Variants in CHST11 observed in about 807,000 individuals in gnomAD.
The protein encoded by CHST11 is C4S-1.
A neutral mutation model predicts 30.4 loss-of-function variants in CHST11; 9 were observed. That is an observed-to-expected ratio of 0.30 (90% CI 0.18 to 0.52). The LOEUF is 0.52. Among genes scored for constraint, CHST11 ranks in the 20% least tolerant of loss-of-function variants. The pLI, the probability that CHST11 is intolerant of heterozygous loss-of-function variation, is 0.97. For synonymous variants in CHST11, 152 were observed against 187.8 expected, an observed-to-expected ratio of 0.81 and a Z score of 1.56; for missense variants, 348 against 460.6, an observed-to-expected ratio of 0.76 and a Z score of 2.24.
intron 1 of CHST11, among the ~76,000 whole-genome samples, chr12:104,599,255 G>A (rs1048257939): frequency 5.3e-5 from 8 of 152,124 alleles, no homozygotes; most frequent in Non-Finnish European, 1.0e-4. Context: ...GGCCCCACAC[G>A]GTCAAAGCAT....
intron 2 of CHST11, among the ~76,000 whole-genome samples, chr12:104,685,212 TA>T (rs560407825): frequency 6.6e-6 from 1 of 152,210 alleles, no homozygotes; most frequent in Non-Finnish European, 1.5e-5. Flanking sequence ...GTGTAAGGCC[TA>T]AAAAAATCTT....
At chr12:104,557,255 C>T (rs1279434558) in intron 1 of CHST11, among the ~76,000 whole-genome samples, 1 of 152,204 alleles carries the variant, frequency 6.6e-6, no homozygotes, top group Non-Finnish European at 1.5e-5. Context: ...GAACTCACTT[C>T]TGCCTCTTTC....
chr12:104,518,622 CTAGAAAATCA>C (rs2038047782), intron 1 of CHST11, among the ~76,000 whole-genome samples: 2 of 152,274 alleles, frequency 1.3e-5, no homozygotes, highest in South Asian at 4.2e-4. Context: ...AAAGCGAAGA[CTAGAAAATCA>C]TTTGTGTGTC....
intron 2 of CHST11, among the ~76,000 whole-genome samples, chr12:104,675,070 T>C (rs569858994): frequency 2.0e-5 from 3 of 152,240 alleles, no homozygotes; most frequent in Non-Finnish European, 4.4e-5. Flanking sequence ...TTTACCTTGC[T>C]GTGGTCAGTC....
At chr12:104,755,973 T>A (rs1592878091) in intron 2 of CHST11, among the ~76,000 whole-genome samples, 1 of 152,084 alleles carries the variant, frequency 6.6e-6, no homozygotes. Flanking sequence ...TAGGTTGGCA[T>A]TGGGCTATGG....
intron 1 of CHST11, among the ~76,000 whole-genome samples, chr12:104,513,624 C>G (rs1286617073): frequency 6.6e-6 from 1 of 152,192 alleles, no homozygotes; most frequent in Non-Finnish European, 1.5e-5. Context: ...TTTTCTTTCT[C>G]CAAGGCAAGT....
At chr12:104,563,094 G>A (rs543933346) in intron 1 of CHST11, among the ~76,000 whole-genome samples, 1 of 152,268 alleles carries the variant, frequency 6.6e-6, no homozygotes, top group African/African-American at 2.4e-5. Flanking sequence ...AGGCTGGAGT[G>A]CAGTGGCATG....
intron 1 of CHST11, among the ~76,000 whole-genome samples, chr12:104,488,771 G>A (rs200149404): frequency 7.0e-6 from 1 of 142,280 alleles, no homozygotes; most frequent in African/African-American, 2.6e-5. Flanking sequence ...GTGTGTGTGT[G>A]TCTATACACA....
chr12:104,667,646 T>A (rs2039653752), intron 2 of CHST11, among the ~76,000 whole-genome samples: 1 of 152,180 alleles, frequency 6.6e-6, no homozygotes, highest in Non-Finnish European at 1.5e-5. Context: ...TGCTTTCTGC[T>A]CATTTCATGA....
At chr12:104,685,522 G>A (rs1034486037) in intron 2 of CHST11, among the ~76,000 whole-genome samples, 1 of 152,152 alleles carries the variant, frequency 6.6e-6, no homozygotes, top group East Asian at 1.9e-4. Flanking sequence ...GGCGACCAGG[G>A]ATTCAAATAC....
intron 1 of CHST11, among the ~76,000 whole-genome samples, chr12:104,486,194 G>A (rs1225369305): frequency 1.3e-5 from 2 of 152,032 alleles, no homozygotes; most frequent in African/African-American, 2.4e-5. Context: ...TTTCTCTTTA[G>A]GGAAAATATG....
intron 2 of CHST11, among the ~76,000 whole-genome samples, chr12:104,605,598 A>C (rs181896773): frequency 0.026 from 3,897 of 152,288 alleles, 134 homozygotes; most frequent in East Asian, 0.088. Context: ...AAAAATAAAA[A>C]AAAAAGTTTG....
At position 104,594,750 on chromosome 12, in the gene CHST11, A is replaced by C. The variant is rs192312942; in HGVS notation, c.119-7156A>C. 6.4e-4 allele frequency among the ~76,000 whole-genome samples: 97 copies of C among 152,286 alleles called. 2 individuals are homozygous for C. The highest frequency in any genetic ancestry group is 2.2e-3 in the African/African-American group (90 of 41,550). On this transcript the variant is annotated intron_variant, in intron 1 of 2. Coordinates refer to ENST00000303694, the MANE Select transcript of CHST11 (RefSeq NM_018413.6). ...GGTGGGAGGATTGCTTGAATGCAGG[A>C]GTTCAAGACCAGCCTGGGCAACATG...
chr12:104,691,964 C>T (rs1278973621), intron 2 of CHST11, among the ~76,000 whole-genome samples: 1 of 152,274 alleles, frequency 6.6e-6, no homozygotes, highest in East Asian at 1.9e-4. Flanking sequence ...GAAACCCTTT[C>T]TCTGCTAAGC....
At chr12:104,464,774 A>G (rs905702188) in intron 1 of CHST11, among the ~76,000 whole-genome samples, 2 of 152,222 alleles carry the variant, frequency 1.3e-5, no homozygotes, top group African/African-American at 2.4e-5. Flanking sequence ...TCAGGGTGCA[A>G]TCGGTGGCAT....
chr12:104,657,906 A>G (rs915650748), intron 2 of CHST11, among the ~76,000 whole-genome samples: 1 of 152,204 alleles, frequency 6.6e-6, no homozygotes, highest in Admixed American at 6.5e-5. Context: ...CTGGACCCGA[A>G]TAAAGACACG....
chr12:104,590,313 T>A (rs951087786), intron 1 of CHST11, among the ~76,000 whole-genome samples: 1 of 152,220 alleles, frequency 6.6e-6, no homozygotes, highest in African/African-American at 2.4e-5. Context: ...AGAATCTGAT[T>A]CAGAAGGGCT....
At chr12:104,480,577 C>CA (rs58063092) in intron 1 of CHST11, among the ~76,000 whole-genome samples, 10,791 of 112,456 alleles carry the variant, frequency 0.096, 643 homozygotes, top group South Asian at 0.18. Context: ...GATTCCATCT[C>CA]AAAAAAAAAA....
intron 2 of CHST11, among the ~76,000 whole-genome samples, chr12:104,651,160 C>T (rs920600904): frequency 4.6e-5 from 7 of 152,206 alleles, no homozygotes; most frequent in Non-Finnish European, 1.0e-4. Context: ...ACATCACCAT[C>T]AGATTAATTT....
Sources: allele counts gnomAD v4.1 joint callset (sites outside exome capture counted in the v4.1 genomes callset), GRCh38; gene constraint gnomAD v4.1.1; transcripts MANE v1.5; gene names NCBI Gene and HGNC (gene_info 2026-07-23, HGNC 2026-07-21).